TENM4: variants seen among roughly 807,000 people sequenced by gnomAD.
TENM4 encodes the protein teneurin transmembrane protein 4, also known as teneurin-4.
TENM4 carries 82 observed loss-of-function variants against 243.3 expected under a neutral mutation model. The ratio of observed to expected loss-of-function variants is 0.34; its 90% confidence interval spans 0.28 to 0.40. The LOEUF (loss-of-function observed/expected upper bound fraction) is 0.40. Ranked by LOEUF, TENM4 falls within the 10% of genes least tolerant of loss-of-function variation. The pLI is 1.00. For missense variants in TENM4, 3,138 were observed against 3,673.3 expected (o/e 0.85, Z 3.77); for synonymous variants, 1,412 against 1,456.3 (o/e 0.97, Z 0.69).
intron 12 of TENM4, among the ~76,000 whole-genome samples, 197 bp downstream of exon 12, chr11:78,853,907 G>T (rs1251668209): frequency 6.6e-6 from 1 of 152,214 alleles, no homozygotes; most frequent in Non-Finnish European, 1.5e-5. Flanking sequence ...GCGGGCAACA[G>T]CCCTGGGCTC....
intron 2 of TENM4, among the ~76,000 whole-genome samples, chr11:79,293,753 C>T (rs969244602): frequency 1.3e-5 from 2 of 152,144 alleles, no homozygotes; most frequent in Non-Finnish European, 2.9e-5. Context: ...TGAGGCAGGA[C>T]TCTGATGCTC....
At chr11:79,124,513 T>C (rs1318134679) in intron 4 of TENM4, among the ~76,000 whole-genome samples, 2 of 152,020 alleles carry the variant, frequency 1.3e-5, no homozygotes, top group Admixed American at 6.6e-5. Context: ...ACTGGCTCTC[T>C]TTGCTCCTCA....
At chr11:79,144,297 A>C (rs909502132) in intron 4 of TENM4, among the ~76,000 whole-genome samples, 1 of 152,088 alleles carries the variant, frequency 6.6e-6, no homozygotes, top group Non-Finnish European at 1.5e-5. Context: ...AAAAGCAGGC[A>C]ATAATGAATG....
At chr11:79,037,666 CTTTTCTCCATGAT>C (rs779521689) in intron 6 of TENM4, among the ~76,000 whole-genome samples, 39 of 152,138 alleles carry the variant, frequency 2.6e-4, no homozygotes, top group Non-Finnish European at 5.0e-4. Flanking sequence ...GTGTAAGAGA[CTTTTCTCCATGAT>C]TTGTCTATTA....
At chr11:79,047,822 T>C (rs1859696019) in intron 6 of TENM4, among the ~76,000 whole-genome samples, 2 of 152,188 alleles carry the variant, frequency 1.3e-5, no homozygotes, top group Non-Finnish European at 2.9e-5. Flanking sequence ...ATACCAATTT[T>C]ATAGCGATTT....
Position 78,669,541 on chromosome 11 carries a change from G to T in TENM4, c.6804C>A (p.Ile2268=). 6.2e-7 allele frequency: 1 copy of T among 1,613,962 alleles called. No homozygotes were observed. Among genetic ancestry groups the T allele is most frequent in the East Asian group, 2.2e-5 (1 of 44,878 alleles). ...GCAGGCCAGCTGAGTTGTACTCAAAGATATCACCGCCCCGCTGCCTCAGGA... is the reference window on the plus strand; with the variant it reads ...GCAGGCCAGCTGAGTTGTACTCAAATATATCACCGCCCCGCTGCCTCAGGA... ...DGFLRQRGGD[I]FEYNSAGLLI... The change falls in exon 32 of 34, where the codon ATC becomes ATA. Residue 2268 remains isoleucine (I), a synonymous_variant. Coordinates refer to ENST00000278550, the MANE Select transcript of TENM4 (RefSeq NM_001098816.3). This position sits in a 1 kb window ranked among gnomAD's most constrained non-coding sequence, Gnocchi z 6.4.
At chr11:79,393,967 G>A (rs941426505) in intron 1 of TENM4, among the ~76,000 whole-genome samples, 1 of 152,134 alleles carries the variant, frequency 6.6e-6, no homozygotes, top group African/African-American at 2.4e-5. Context: ...GAGGGGAGCA[G>A]ACGAGAGGGG....
At chr11:79,038,298 TC>T (rs1408222104) in intron 6 of TENM4, among the ~76,000 whole-genome samples, 1 of 152,204 alleles carries the variant, frequency 6.6e-6, no homozygotes, top group African/African-American at 2.4e-5. Context: ...CTTAGATGCC[TC>T]CCAGGTGCTT....
intron 1 of TENM4, among the ~76,000 whole-genome samples, chr11:79,426,244 C>T (rs1859046654): frequency 6.6e-6 from 1 of 152,166 alleles, no homozygotes; most frequent in Non-Finnish European, 1.5e-5. Context: ...GTTCCTCCCA[C>T]CAGGTATAAG....
chr11:79,025,684 C>T (rs1038341314), intron 6 of TENM4, among the ~76,000 whole-genome samples: 1 of 152,140 alleles, frequency 6.6e-6, no homozygotes, highest in Non-Finnish European at 1.5e-5. Context: ...GGATCTGGCT[C>T]CCCAGTGTGG....
At chr11:78,813,080 C>G (rs900954485) in intron 13 of TENM4, among the ~76,000 whole-genome samples, 11 of 152,198 alleles carry the variant, frequency 7.2e-5, no homozygotes, top group Admixed American at 1.3e-4. Flanking sequence ...GCACCACCTT[C>G]CCCTGGTCCC....
intron 19 of TENM4, 148 bp from the exon 20 acceptor site, chr11:78,738,718 A>C (rs1483732926): frequency 2.6e-6 from 2 of 754,944 alleles, no homozygotes; most frequent in Non-Finnish European, 4.2e-6. Context: ...CTCAAGATGC[A>C]TAATAATCTT....
At chr11:78,975,617 C>CACAT (rs1491303202) in intron 6 of TENM4, among the ~76,000 whole-genome samples, 76 of 64,958 alleles carry the variant, frequency 1.2e-3, no homozygotes, top group Non-Finnish European at 2.0e-3. Flanking sequence ...CACACACACA[C>CACAT]ATATATATAT....
chr11:79,367,476 T>C (rs1051939181), intron 1 of TENM4, among the ~76,000 whole-genome samples: 8 of 152,222 alleles, frequency 5.3e-5, no homozygotes, highest in Admixed American at 4.6e-4. Context: ...TTCCTATTCC[T>C]TCTGCCAAGA....
chr11:78,858,117 C>T (rs534690608), intron 10 of TENM4, among the ~76,000 whole-genome samples: 77 of 152,268 alleles, frequency 5.1e-4, no homozygotes, highest in African/African-American at 1.6e-3. Flanking sequence ...GAAAACTGCT[C>T]CCCCATTTTA....
intron 6 of TENM4, among the ~76,000 whole-genome samples, chr11:79,044,033 G>C (rs1034048361): frequency 6.6e-6 from 1 of 152,120 alleles, no homozygotes; most frequent in African/African-American, 2.4e-5. Flanking sequence ...GTTACATCTG[G>C]ACTCGGTCCC....
chr11:78,917,528 G>C (rs1347782814), intron 6 of TENM4, among the ~76,000 whole-genome samples: 1 of 151,870 alleles, frequency 6.6e-6, no homozygotes, highest in African/African-American at 2.4e-5. Context: ...GGAGATCTTG[G>C]GCAGGTATTC....
chr11:79,137,449 G>GA (rs1282553782), intron 4 of TENM4, among the ~76,000 whole-genome samples: 2 of 152,130 alleles, frequency 1.3e-5, no homozygotes, highest in African/African-American at 4.8e-5. Flanking sequence ...GACTACAAAT[G>GA]AACCAGACCC....
At chr11:79,221,407 G>A (rs1271648545) in intron 2 of TENM4, among the ~76,000 whole-genome samples, 1 of 151,560 alleles carries the variant, frequency 6.6e-6, no homozygotes, top group Non-Finnish European at 1.5e-5. Context: ...AATTATGGCA[G>A]CTGCAGCTGC....
Sources: gnomAD v4.1 joint callset for allele counts (sites outside exome capture counted in the v4.1 genomes callset) on GRCh38, gnomAD v4.1.1 for gene constraint, Gnocchi (gnomAD v3.1) non-coding constraint, MANE v1.5 for transcripts, NCBI Gene and HGNC (gene_info 2026-07-23, HGNC 2026-07-21) for gene names.